The following RASAL1 variants were observed in gnomAD, a reference collection of about 807,000 sequenced individuals.
The protein encoded by RASAL1 is RAS protein activator like 1.
A neutral mutation model predicts 96.6 loss-of-function variants in RASAL1; 72 were observed. The ratio of observed to expected loss-of-function variants is 0.75; its 90% CI spans 0.62 to 0.91. The LOEUF (loss-of-function observed/expected upper bound fraction) is 0.91. Ranked by LOEUF, RASAL1 falls within the 40% of genes least tolerant of loss-of-function variation. The probability of loss-of-function intolerance (pLI) is 0.00; values close to 1 mark genes in which losing one functional copy is unlikely to be tolerated. For synonymous variants in RASAL1, 405 were observed against 430.4 expected (o/e 0.94, Z 0.73); for missense variants, 1,016 against 1,072.5 (o/e 0.95, Z 0.74).
In RASAL1 at chr12:113,123,704, C is replaced by G. The variant is rs148924845; in HGVS notation, c.299-2066G>C. Among the ~76,000 whole-genome samples, 561 of 152,296 alleles carry G rather than the reference C, an allele frequency of 3.7e-3. 5 individuals carry two copies. Among genetic ancestry groups the G allele is most frequent in the Non-Finnish European group, 6.8e-3 (462 of 68,018 alleles). ...GTTCAAGCAATTCTCATGTCTCAGT[C>G]TCTCGAATAGCAAGGATTACAGGCA... On this transcript the variant is annotated intron_variant, in intron 4 of 20. Coordinates refer to ENST00000548055, the MANE Select transcript of RASAL1 (RefSeq NM_001301202.2).
chr12:113,107,733 C>T (rs751168857), intron 14 of RASAL1: 5 of 391,722 alleles, frequency 1.3e-5, no homozygotes, highest in South Asian at 4.7e-5. Context: ...TGTTCCCTCC[C>T]GAGCCCAGAT....
rs116782402 is a variant in RASAL1, at chr12:113,122,966, A to G, written c.299-1328T>C. Among the ~76,000 whole-genome samples, 1,076 of 152,294 alleles carry G rather than the reference A, an allele frequency of 7.1e-3. 19 individuals are homozygous for G. Among genetic ancestry groups the G allele is most frequent in the African/African-American group, 0.024 (989 of 41,574 alleles). On this transcript the variant is annotated intron_variant, in intron 4 of 20. Transcript: ENST00000548055. Reference sequence around the variant, plus strand: ...CCTTTTCCTCTGAAACTAATTCTGAATAATTTCTCTAGACCTTTCTTCCAG... The same window carrying G: ...CCTTTTCCTCTGAAACTAATTCTGAGTAATTTCTCTAGACCTTTCTTCCAG...
intron 4 of RASAL1, among the ~76,000 whole-genome samples, chr12:113,126,815 T>C (rs35910801): frequency 0.14 from 21,713 of 151,896 alleles, 1,749 homozygotes; most frequent in African/African-American, 0.23. Context: ...GTCATTTAAC[T>C]TTCTGTGCCT....
intron 5 of RASAL1, 108 bp from the exon 6 acceptor site, chr12:113,119,551 A>G: frequency 8.9e-7 from 1 of 1,120,128 alleles, no homozygotes; most frequent in South Asian, 1.3e-5. Context: ...AAGGCAACAA[A>G]CTGTTCCATG....
At position 113,130,841 on chromosome 12, in the gene RASAL1, G is replaced by A. The variant is rs1247294791; in HGVS notation, c.122+44C>T. ...GTCCCAGATTCCCCAGGTCTAGAAA[G>A]AGACCCCTCCCTTCCTCCTCTCCCC... On this transcript the variant is annotated intron_variant, in intron 2 of 20. Coordinates refer to ENST00000548055, the MANE Select transcript of RASAL1 (RefSeq NM_001301202.2). The surrounding 1 kb of genome is among the most constrained non-coding windows in gnomAD (Gnocchi z 5.1). The A allele has an allele frequency of 1.3e-6, 2 of 1,540,806 alleles. No individual in the cohort carries two copies. The highest frequency in any genetic ancestry group is 3.5e-5 in the Admixed American group (2 of 57,706).
Position 113,115,634 on chromosome 12 carries a change from C to T in RASAL1, c.1003+1G>A, listed in dbSNP as rs766766771. On this transcript the variant is annotated splice_donor_variant, in intron 10 of 20. Transcript: ENST00000548055. LOFTEE classifies it high-confidence loss of function. The surrounding 1 kb of genome is among the most constrained non-coding windows in gnomAD (Gnocchi z 4.1). ...TGTCGGGGGTTGTGCGGGCAACTCA[C>T]TGGTCCGAGCCACCTCACGCCGGGT... The T allele has an allele frequency of 6.2e-7, 1 of 1,612,750 alleles. No individual in the cohort carries two copies. Among genetic ancestry groups the T allele is most frequent in the Non-Finnish European group, 8.5e-7 (1 of 1,179,838 alleles).
chr12:113,128,298 A>G (rs1951572541), intron 2 of RASAL1, 120 bp from the exon 3 acceptor site: 1 of 664,166 alleles, frequency 1.5e-6, no homozygotes. Flanking sequence ...CCAGACACAC[A>G]CACACTCAGA....
At chr12:113,121,756 C>A in intron 4 of RASAL1, 118 bp from the exon 5 acceptor site, 3 of 1,236,920 alleles carry the variant, frequency 2.4e-6, no homozygotes, top group South Asian at 1.5e-5. Context: ...GGGTCTGGTT[C>A]TGTTGCCCAG....
chr12:113,107,377 C>T (rs1475966534), intron 14 of RASAL1, 136 bp from the exon 15 acceptor site: 3 of 1,055,126 alleles, frequency 2.8e-6, no homozygotes, highest in African/African-American at 3.2e-5. Context: ...AATCCCAGCA[C>T]TTTGGGAGGC....
At chr12:113,110,421 G>C (rs543872700) in intron 13 of RASAL1, among the ~76,000 whole-genome samples, 2 of 152,152 alleles carry the variant, frequency 1.3e-5, no homozygotes, top group Non-Finnish European at 2.9e-5. Context: ...GTGAATCCTG[G>C]TCTGATACAT....
chr12:113,102,582 C>T (rs1950489987), intron 18 of RASAL1, among the ~76,000 whole-genome samples: 1 of 152,076 alleles, frequency 6.6e-6, no homozygotes, highest in Non-Finnish European at 1.5e-5. Context: ...ATATTAGCCT[C>T]ACATGGTGGC....
chr12:113,123,160 T>C (rs1369384180), intron 4 of RASAL1, among the ~76,000 whole-genome samples: 2 of 152,240 alleles, frequency 1.3e-5, no homozygotes, highest in African/African-American at 2.4e-5. Context: ...TTTCTTGTGA[T>C]TACATCTTTT....
chr12:113,127,815 G>A lies in RASAL1; in HGVS notation c.295C>T (p.Arg99Ter), dbSNP rs200175078. The change falls in exon 4 of 21, where the codon CGA becomes TGA. Residue 99 changes from arginine (R) to a stop codon, truncating the protein, a stop_gained. Transcript: ENST00000548055. LOFTEE classifies it high-confidence loss of function. Reference sequence around the variant, plus strand: ...TCTGCCCATGTCCCTCGCCCACCTCGGGGGTCGGCTGTAATCGCCTCCCTG... The same window carrying A: ...TCTGCCCATGTCCCTCGCCCACCTCAGGGGTCGGCTGTAATCGCCTCCCTG... ...LSREAITADPRGIDSWINLSR... is the reference protein window; with the variant it reads ...LSREAITADP 3.6e-5 allele frequency: 58 copies of A among 1,611,090 alleles called. No individual in the cohort carries two copies. Among genetic ancestry groups the A allele is most frequent in the Middle Eastern group, 3.3e-4 (2 of 6,074 alleles).
At chr12:113,105,180 G>A (rs1388492365) in intron 16 of RASAL1, among the ~76,000 whole-genome samples, 2 of 152,250 alleles carry the variant, frequency 1.3e-5, no homozygotes, top group South Asian at 4.1e-4. Context: ...GTGTCTCGGG[G>A]CATTCTAGTC....
intron 4 of RASAL1, among the ~76,000 whole-genome samples, chr12:113,122,223 C>A (rs555668163): frequency 1.5e-3 from 231 of 152,350 alleles, no homozygotes; most frequent in Non-Finnish European, 2.9e-3. Context: ...TGTGCCATCA[C>A]ACACTTCCCC....
chr12:113,131,667 C>T (rs1185998358), intron 1 of RASAL1, among the ~76,000 whole-genome samples: 1 of 152,166 alleles, frequency 6.6e-6, no homozygotes, highest in Admixed American at 6.5e-5. Flanking sequence ...AGCTGCATCC[C>T]CCCTTCATAA....
intron 13 of RASAL1, among the ~76,000 whole-genome samples, chr12:113,109,826 C>T (rs562445090): frequency 6.6e-6 from 1 of 152,360 alleles, no homozygotes; most frequent in South Asian, 2.1e-4. Flanking sequence ...TGTCCCACCA[C>T]TACCCCACTG....
rs751375169 is a variant in RASAL1 at position 113,107,092 on chromosome 12, C to T, written c.1657+5G>A. On this transcript the variant is annotated splice_donor_5th_base_variant and intron_variant, in intron 15 of 20. Transcript: ENST00000548055. ...GCCAGATGTGGCCGGACCACAGGAA[C>T]TCACCTTCATCCCCATCCACATCCA... 2.5e-6 allele frequency: 4 copies of T among 1,608,628 alleles called. No individual in the cohort carries two copies. The highest frequency in any genetic ancestry group is 3.4e-6 in the Non-Finnish European group (4 of 1,177,232).
At chr12:113,127,980 G>A (rs1341166087) in intron 3 of RASAL1, 85 bp downstream of exon 3, 1 of 1,552,654 alleles carries the variant, frequency 6.4e-7, no homozygotes, top group South Asian at 1.1e-5. Context: ...ACACCCTCGT[G>A]GGCTGTGGAC....
Sources: gnomAD v4.1 joint callset for allele counts (sites outside exome capture counted in the v4.1 genomes callset) on GRCh38, gnomAD v4.1.1 for gene constraint, Gnocchi (gnomAD v3.1) non-coding constraint, MANE v1.5 for transcripts, NCBI Gene and HGNC (gene_info 2026-07-23, HGNC 2026-07-21) for gene names.